Variants in MTHFD2L observed in about 807,000 individuals in gnomAD.
MTHFD2L encodes the protein bifunctional methylenetetrahydrofolate dehydrogenase/cyclohydrolase 2, mitochondrial.
Under a neutral mutation model 34.9 loss-of-function variants are expected in MTHFD2L, and 29 were observed. The ratio of observed to expected loss-of-function variants is 0.83; its 90% CI spans 0.62 to 1.13. The LOEUF (loss-of-function observed/expected upper bound fraction) is 1.13, where lower values mean the gene tolerates loss of function less well. MTHFD2L is among the 50% of genes most tolerant of loss of function. The pLI is 0.00. For synonymous variants in MTHFD2L, 167 were observed against 155.7 expected, an observed-to-expected ratio of 1.07 and a Z score of -0.54; for missense variants, 481 against 446.5, an observed-to-expected ratio of 1.08 and a Z score of -0.70.
chr4:74,182,791 C>A (rs1730445219), intron 3 of MTHFD2L: 1 of 152,112 alleles, frequency 6.6e-6, no homozygotes, highest in Non-Finnish European at 1.5e-5. Flanking sequence ...GAACCACTTC[C>A]AGACTGAGAT....
intron 5 of MTHFD2L, among the ~76,000 whole-genome samples, chr4:74,209,629 G>T (rs972951890): frequency 7.9e-5 from 12 of 152,096 alleles, no homozygotes; most frequent in Non-Finnish European, 1.8e-4. Context: ...AGTCTTTGCT[G>T]TTGTGAATAG....
At chr4:74,152,055 A>G (rs1026141831) in intron 1 of MTHFD2L, among the ~76,000 whole-genome samples, 1 of 152,076 alleles carries the variant, frequency 6.6e-6, no homozygotes, top group Non-Finnish European at 1.5e-5. Context: ...CCATCTTTGT[A>G]TTATCGTTTA....
At chr4:74,150,775 G>C (rs1723886275) in intron 1 of MTHFD2L, among the ~76,000 whole-genome samples, 2 of 151,908 alleles carry the variant, frequency 1.3e-5, no homozygotes, top group Non-Finnish European at 2.9e-5. Flanking sequence ...GTATACGTGT[G>C]TGTGTGTATA....
chr4:74,285,413 T>G (rs2110290554), intron 7 of MTHFD2L, among the ~76,000 whole-genome samples: 1 of 152,292 alleles, frequency 6.6e-6, no homozygotes, highest in Non-Finnish European at 1.5e-5. Context: ...CAAGCACCAT[T>G]CAAACTATTC....
At chr4:74,128,153 T>G (rs1360382848) in intron 1 of MTHFD2L, among the ~76,000 whole-genome samples, 2 of 152,142 alleles carry the variant, frequency 1.3e-5, no homozygotes, top group Non-Finnish European at 2.9e-5. Flanking sequence ...TTACTAATAC[T>G]TGTGAAATGG....
intron 2 of MTHFD2L, among the ~76,000 whole-genome samples, chr4:74,114,948 T>G (rs905374729): frequency 6.6e-6 from 1 of 152,138 alleles, no homozygotes; most frequent in Admixed American, 6.5e-5. Flanking sequence ...CTCAGAGAAG[T>G]TGTGGAGCCA....
chr4:74,197,717 G>T (rs2081152122), intron 3 of MTHFD2L, among the ~76,000 whole-genome samples: 1 of 152,038 alleles, frequency 6.6e-6, no homozygotes, highest in Admixed American at 6.6e-5. Flanking sequence ...CTTTAAAATG[G>T]GCATGATCAT....
chr4:74,268,267 A>G, intron 6 of MTHFD2L: 1 of 983,580 alleles, frequency 1.0e-6, no homozygotes, highest in Non-Finnish European at 1.2e-6. Context: ...TGCTGAAGAA[A>G]GTTTTTCTAA....
At chr4:74,243,708 G>C (rs977849086) in intron 6 of MTHFD2L, among the ~76,000 whole-genome samples, 1 of 152,068 alleles carries the variant, frequency 6.6e-6, no homozygotes, top group Middle Eastern at 3.2e-3. Context: ...TACATCACAA[G>C]TATATCATAA....
chr4:74,133,134 A>C (rs1240700268), intron 1 of MTHFD2L, among the ~76,000 whole-genome samples: 1 of 152,162 alleles, frequency 6.6e-6, no homozygotes, highest in African/African-American at 2.4e-5. Context: ...CTCTTTGTTA[A>C]TGCTGCCCTA....
At position 74,126,044 on chromosome 4, in the gene MTHFD2L, A is replaced by G. The variant is rs1235390842; in HGVS notation, c.-297+527A>G. Among the ~76,000 whole-genome samples, 4 of 152,280 alleles carry G rather than the reference A, an allele frequency of 2.6e-5. No homozygotes were observed. In the East Asian group the frequency reaches 7.7e-4, roughly 29 times the overall value. On this transcript the variant is annotated intron_variant, in intron 1 of 7. Coordinates refer to the MTHFD2L transcript ENST00000433372. ...CTTTCTCTGGTTACCAGCGTCCACT[A>G]TACTAGCAAGGCCCAGGTTGGAAAT...
In MTHFD2L at chr4:74,270,351, C is replaced by T. The variant is rs538388718; in HGVS notation, c.806-11074C>T. On this transcript the variant is annotated intron_variant, in intron 6 of 7. Transcript: ENST00000325278. ...TCACCCCACAACAGGCCCCGGTGTG[C>T]GATGTTCCCCTTCCTGTGTCCAAGT... 1.8e-4 allele frequency among the ~76,000 whole-genome samples: 28 copies of T among 151,520 alleles called. No individual in the cohort carries two copies. The South Asian group carries it at 2.1e-3, about 11-fold the overall frequency.
chr4:74,173,971 G>A (rs2109955608), intron 1 of MTHFD2L, among the ~76,000 whole-genome samples: 1 of 152,222 alleles, frequency 6.6e-6, no homozygotes, highest in Admixed American at 6.5e-5. Flanking sequence ...ACACTGGTTG[G>A]CTTATACAAA....
chr4:74,165,710 A>G (rs1352195883), intron 1 of MTHFD2L, among the ~76,000 whole-genome samples: 1 of 152,218 alleles, frequency 6.6e-6, no homozygotes, highest in African/African-American at 2.4e-5. Context: ...AGTTGCAAAT[A>G]GAATCTTTGC....
At chr4:74,262,133 G>A (rs1436454639) in intron 6 of MTHFD2L, among the ~76,000 whole-genome samples, 1 of 151,868 alleles carries the variant, frequency 6.6e-6, no homozygotes, top group Non-Finnish European at 1.5e-5. Flanking sequence ...ATTAAACACT[G>A]GGGAAAAACT....
At chr4:74,174,407 T>G in intron 1 of MTHFD2L, 99 bp from the exon 2 acceptor site, 75 of 949,454 alleles carry the variant, frequency 7.9e-5, no homozygotes, top group Non-Finnish European at 9.0e-5. Flanking sequence ...TTTGGGTGCT[T>G]GGAGAATCAT....
intron 6 of MTHFD2L, among the ~76,000 whole-genome samples, chr4:74,230,335 A>AT (rs1205537986): frequency 9.2e-5 from 14 of 152,094 alleles, no homozygotes; most frequent in African/African-American, 3.4e-4. Context: ...TACATCTGTA[A>AT]TCCTAGCACT....
At chr4:74,186,106 T>A (rs2110002028) in intron 3 of MTHFD2L, among the ~76,000 whole-genome samples, 1 of 152,200 alleles carries the variant, frequency 6.6e-6, no homozygotes, top group East Asian at 1.9e-4. Context: ...TTTACCATAT[T>A]AACAAGCTAA....
chr4:74,256,863 G>T (rs1439893197), intron 6 of MTHFD2L, among the ~76,000 whole-genome samples: 2 of 152,052 alleles, frequency 1.3e-5, no homozygotes, highest in Non-Finnish European at 2.9e-5. Context: ...GTTGAAGTTG[G>T]GTAATGTAGA....
Sources: gnomAD v4.1 joint callset for allele counts (sites outside exome capture counted in the v4.1 genomes callset) on GRCh38, gnomAD v4.1.1 for gene constraint, MANE v1.5 for transcripts, NCBI Gene and HGNC (gene_info 2026-07-23, HGNC 2026-07-21) for gene names.